Variants in PVT1 observed in about 807,000 individuals in gnomAD.
PVT1 encodes Pvt1 oncogene.
intron 3 of PVT1, among the ~76,000 whole-genome samples, chr8:127,960,151 T>C (rs1448409904): frequency 6.6e-6 from 1 of 152,206 alleles, no homozygotes; most frequent in Non-Finnish European, 1.5e-5. Flanking sequence ...ATTGTGGTGT[T>C]CATTCAACAT....
At chr8:127,891,287 G>A (rs1328340562) in intron 3 of PVT1, among the ~76,000 whole-genome samples, 1 of 152,180 alleles carries the variant, frequency 6.6e-6, no homozygotes, top group Non-Finnish European at 1.5e-5. Flanking sequence ...ACATTGTGTG[G>A]CATTTGGCAC....
chr8:128,029,261 C>G (rs1348208254), intron 4 of PVT1, among the ~76,000 whole-genome samples: 1 of 151,412 alleles, frequency 6.6e-6, no homozygotes, highest in East Asian at 2.0e-4. Context: ...TAGCTGGGAC[C>G]ACAGGTGCAC....
At chr8:128,036,739 G>A (rs533272579) in intron 4 of PVT1, among the ~76,000 whole-genome samples, 1 of 152,300 alleles carries the variant, frequency 6.6e-6, no homozygotes, top group African/African-American at 2.4e-5. Flanking sequence ...TACCTGTCAG[G>A]CATTGCAGGA....
intron 3 of PVT1, among the ~76,000 whole-genome samples, chr8:127,908,264 A>G (rs1024063863): frequency 1.3e-5 from 2 of 150,810 alleles, no homozygotes; most frequent in Non-Finnish European, 2.9e-5. Flanking sequence ...AGGAGGGTGG[A>G]TCTTCATTAT....
At chr8:128,051,098 G>A (rs1240861633) in intron 4 of PVT1, among the ~76,000 whole-genome samples, 1 of 152,234 alleles carries the variant, frequency 6.6e-6, no homozygotes, top group Non-Finnish European at 1.5e-5. Context: ...GAGAATGAAA[G>A]AGAGTCACTT....
chr8:127,804,927 C>CTTTT (rs754070998), intron 2 of PVT1, among the ~76,000 whole-genome samples: 4 of 114,220 alleles, frequency 3.5e-5, no homozygotes, highest in Non-Finnish European at 7.4e-5. Flanking sequence ...TTGTCCATGT[C>CTTTT]TTTTTTTTTT....
intron 2 of PVT1, among the ~76,000 whole-genome samples, chr8:127,850,704 C>T (rs1320783941): frequency 6.6e-6 from 1 of 152,178 alleles, no homozygotes; most frequent in Non-Finnish European, 1.5e-5. Flanking sequence ...AATAATGTCA[C>T]AGTGCCTTTT....
At chr8:128,071,657 C>A (rs1336052292) in intron 5 of PVT1, among the ~76,000 whole-genome samples, 2 of 147,686 alleles carry the variant, frequency 1.4e-5, no homozygotes, top group East Asian at 2.0e-4. Context: ...TGCTCTCCAG[C>A]CTGAGAGACA....
At position 128,040,840 on chromosome 8, in the gene PVT1, C is replaced by G. The variant is rs535724345; in HGVS notation, n.913-29320C>G. Among the ~76,000 whole-genome samples, 8 of 149,180 alleles carry G rather than the reference C, an allele frequency of 5.4e-5. No homozygotes were observed. In the South Asian group the frequency reaches 1.7e-3, roughly 32 times the overall value. On this transcript the variant is annotated intron_variant and non_coding_transcript_variant, in intron 4 of 10. Transcript: ENST00000651587. ...TTGTGCTTGTGTGTTTGTGTATGTACATTTGTGCTTGTGTATTTGTATGTG... is the reference window on the plus strand; with the variant it reads ...TTGTGCTTGTGTGTTTGTGTATGTAGATTTGTGCTTGTGTATTTGTATGTG...
chr8:127,964,096 C>T (rs1176684103), intron 3 of PVT1, among the ~76,000 whole-genome samples: 2 of 152,166 alleles, frequency 1.3e-5, no homozygotes, highest in Non-Finnish European at 2.9e-5. Flanking sequence ...ACGATGACCC[C>T]CAGGAGCGTC....
In PVT1 at chr8:127,807,317, C is replaced by T. The variant is rs748461025; in HGVS notation, n.372+11246C>T. Among the ~76,000 whole-genome samples, 563 of 152,256 alleles carry T rather than the reference C, an allele frequency of 3.7e-3. 2 individuals carry two copies. The highest frequency in any genetic ancestry group is 4.7e-3 in the Non-Finnish European group (322 of 68,012). The stretch of plus-strand genomic sequence containing the variant: ...GCCTACTTTAACTTTGCCTTTATTG[C>T]TTTTTTTAAATTCAATTAATTAATT... On this transcript the variant is annotated intron_variant and non_coding_transcript_variant, in intron 2 of 10. Coordinates refer to ENST00000651587, the Ensembl canonical transcript of PVT1.
intron 2 of PVT1, among the ~76,000 whole-genome samples, chr8:127,885,589 A>G (rs1249893989): frequency 2.0e-5 from 3 of 152,062 alleles, no homozygotes; most frequent in African/African-American, 7.2e-5. Context: ...TGACCGAATC[A>G]CTTTTCAAAG....
chr8:128,018,598 C>T (rs1817399920), intron 4 of PVT1, among the ~76,000 whole-genome samples: 1 of 152,180 alleles, frequency 6.6e-6, no homozygotes, highest in African/African-American at 2.4e-5. Context: ...GTGGCCGTAG[C>T]AGTAAATGTC....
chr8:128,087,744 C>G (rs1281686196), intron 5 of PVT1, among the ~76,000 whole-genome samples: 2 of 127,260 alleles, frequency 1.6e-5, no homozygotes, highest in African/African-American at 3.1e-5. Flanking sequence ...TCCTGATGTG[C>G]TACTTTTTTT....
rs1432538660 is a variant in PVT1 at position 127,804,845 on chromosome 8, A to C, written n.372+8774A>C. Among the ~76,000 whole-genome samples the C allele has an allele frequency of 2.7e-5, 4 of 148,758 alleles. No homozygotes were observed. In the Middle Eastern group the frequency reaches 0.01, roughly 390 times the overall value. On this transcript the variant is annotated intron_variant and non_coding_transcript_variant, in intron 2 of 10. Coordinates refer to ENST00000651587, the Ensembl canonical transcript of PVT1. ...TGCTGGGATTACAGCGTGAGCCACCACATCTGGACACATCCTGATTTTTTT... is the reference window on the plus strand; with the variant it reads ...TGCTGGGATTACAGCGTGAGCCACCCCATCTGGACACATCCTGATTTTTTT...
At chr8:127,967,651 G>T (rs982965582) in intron 3 of PVT1, among the ~76,000 whole-genome samples, 2 of 152,226 alleles carry the variant, frequency 1.3e-5, no homozygotes, top group African/African-American at 4.8e-5. Flanking sequence ...CCTACTTTGA[G>T]CCATCTCCTG....
intron 3 of PVT1, among the ~76,000 whole-genome samples, chr8:127,921,744 C>T (rs1361117470): frequency 3.3e-5 from 5 of 150,152 alleles, no homozygotes; most frequent in African/African-American, 1.2e-4. Context: ...ACTCAGGAGG[C>T]AGAGGTTGCA....
At chr8:128,061,308 A>G (rs1017306974) in intron 4 of PVT1, among the ~76,000 whole-genome samples, 1 of 152,246 alleles carries the variant, frequency 6.6e-6, no homozygotes, top group Non-Finnish European at 1.5e-5. Context: ...TTCAAGGTTC[A>G]TCTAAGTTAC....
chr8:128,039,331 C>G (rs1813504844), intron 4 of PVT1, among the ~76,000 whole-genome samples: 1 of 152,184 alleles, frequency 6.6e-6, no homozygotes, highest in African/African-American at 2.4e-5. Flanking sequence ...GAGAACAATC[C>G]ACACCAGCTG....
Sources: allele counts gnomAD v4.1 joint callset (sites outside exome capture counted in the v4.1 genomes callset), GRCh38; gene constraint gnomAD v4.1.1; transcripts MANE v1.5; gene names NCBI Gene and HGNC (gene_info 2026-07-23, HGNC 2026-07-21).